Variants in RGS6 observed in about 807,000 individuals in gnomAD.
RGS6 encodes the protein regulator of G protein signaling 6.
Under a neutral mutation model 78.5 loss-of-function variants are expected in RGS6, and 30 were observed. The ratio of observed to expected loss-of-function variants is 0.38; its 90% confidence interval spans 0.29 to 0.52. The LOEUF (loss-of-function observed/expected upper bound fraction) is 0.52, where lower values mean the gene tolerates loss of function less well. RGS6 is among the 20% of genes least tolerant of loss of function. RGS6 has a pLI of 0.85. For synonymous variants in RGS6, 206 were observed against 206.0 expected (o/e 1.00, Z 0.00); for missense variants, 495 against 609.7 (o/e 0.81, Z 1.98).
chr14:71,899,273 G>A, the RGS6 span, among the ~76,000 whole-genome samples: 1 of 152,184 alleles, frequency 6.6e-6, no homozygotes, highest in Non-Finnish European at 1.5e-5. Context: ...GCCGCTTGCT[G>A]TGTAGCCTTT....
intron 3 of RGS6, among the ~76,000 whole-genome samples, chr14:72,397,226 T>A (rs374016351): frequency 6.6e-6 from 1 of 152,206 alleles, no homozygotes; most frequent in African/African-American, 2.4e-5. Flanking sequence ...TTATTTCATT[T>A]AGTAGTGGTT....
At chr14:72,029,279 G>A (rs2090445309) in intron 2 of RGS6, among the ~76,000 whole-genome samples, 1 of 152,204 alleles carries the variant, frequency 6.6e-6, no homozygotes, top group Non-Finnish European at 1.5e-5. Flanking sequence ...GACAGAACTT[G>A]TACAACAGTG....
At chr14:71,886,224 A>T in the RGS6 span, among the ~76,000 whole-genome samples, 1 of 152,208 alleles carries the variant, frequency 6.6e-6, no homozygotes, top group Non-Finnish European at 1.5e-5. Context: ...GGAACACTCC[A>T]GGTAAAGTAG....
At chr14:72,469,186 G>A (rs1043231771) in intron 7 of RGS6, among the ~76,000 whole-genome samples, 2 of 149,370 alleles carry the variant, frequency 1.3e-5, no homozygotes, top group African/African-American at 2.5e-5. Flanking sequence ...CATCACAAAC[G>A]TAGACACTCC....
the RGS6 span, among the ~76,000 whole-genome samples, chr14:71,889,082 GAC>G: frequency 6.6e-6 from 1 of 152,034 alleles, no homozygotes; most frequent in Non-Finnish European, 1.5e-5. Flanking sequence ...AATGAATAAT[GAC>G]ACAGTGTGAG....
chr14:72,413,971 A>T (rs2093618161), intron 3 of RGS6, among the ~76,000 whole-genome samples: 1 of 152,154 alleles, frequency 6.6e-6, no homozygotes, highest in Non-Finnish European at 1.5e-5. Flanking sequence ...TTTGTGGGTA[A>T]CCCGACCTTT....
rs185605298 is a variant in RGS6, at chr14:71,992,579, T to C, written c.84+27704T>C. 1.8e-3 allele frequency among the ~76,000 whole-genome samples: 275 copies of C among 152,358 alleles called. 2 individuals are homozygous for C. Among genetic ancestry groups the C allele is most frequent in the Middle Eastern group, 6.8e-3 (2 of 294 alleles). On this transcript the variant is annotated intron_variant, in intron 2 of 17. Coordinates refer to ENST00000553525, the MANE Select transcript of RGS6 (RefSeq NM_001204424.2). ...GGTGGGTAATTTGCCTAAGGTTAGA[T>C]GGTTAGTAAATAGAAAACTCAAAAT...
chr14:71,926,585 G>GAAAAAA, the RGS6 span, among the ~76,000 whole-genome samples: 4 of 51,258 alleles, frequency 7.8e-5, no homozygotes, highest in African/African-American at 2.3e-4. Flanking sequence ...CTCTGTCTCA[G>GAAAAAA]AAAAAAAAAA....
intron 17 of RGS6, chr14:72,541,765 C>G: frequency 2.5e-6 from 2 of 784,572 alleles, no homozygotes; most frequent in Non-Finnish European, 4.0e-6. Context: ...TGAGGGTGAC[C>G]GTGCAGGCCA....
At chr14:72,477,011 GC>G in intron 11 of RGS6, 171 bp downstream of exon 11, 1 of 592,228 alleles carries the variant, frequency 1.7e-6, no homozygotes, top group East Asian at 3.0e-5. Flanking sequence ...AGCCACGGAA[GC>G]TTGAGAGAAA....
Position 72,562,411 on chromosome 14 carries a change from C to T in RGS6, c.1423-6C>T. 1 of 1,612,576 alleles carries T rather than the reference C, an allele frequency of 6.2e-7. No homozygotes were observed. Among genetic ancestry groups the T allele is most frequent in the Non-Finnish European group, 8.5e-7 (1 of 1,180,004 alleles). On this transcript the variant is annotated splice_region_variant and splice_polypyrimidine_tract_variant and intron_variant, in intron 17 of 17. Transcript: ENST00000553525. Reference sequence around the variant, plus strand: ...TGCGTGCCTCTCTGTCGCTGTCTCTCTGCAGGGAAAGTCGCTGGCGGGCAA... The same window carrying T: ...TGCGTGCCTCTCTGTCGCTGTCTCTTTGCAGGGAAAGTCGCTGGCGGGCAA...
chr14:71,905,117 G>C, the RGS6 span, among the ~76,000 whole-genome samples: 3 of 152,190 alleles, frequency 2.0e-5, no homozygotes, highest in Non-Finnish European at 4.4e-5. Context: ...GCTTTCTGCT[G>C]TTCCTCAAGA....
chr14:72,526,001 C>T (rs1018191819), intron 15 of RGS6, among the ~76,000 whole-genome samples: 13 of 152,132 alleles, frequency 8.5e-5, no homozygotes, highest in Admixed American at 6.5e-5. Flanking sequence ...TGAGAGAAGA[C>T]GTCAAAGAGT....
intron 2 of RGS6, among the ~76,000 whole-genome samples, chr14:72,225,159 G>A (rs925413210): frequency 1.3e-5 from 2 of 152,014 alleles, no homozygotes; most frequent in African/African-American, 4.8e-5. Context: ...CTCCTGGGTC[G>A]GGCTTAGCCT....
intron 2 of RGS6, among the ~76,000 whole-genome samples, chr14:72,237,248 C>A (rs1243358311): frequency 6.6e-6 from 1 of 152,114 alleles, no homozygotes; most frequent in Non-Finnish European, 1.5e-5. Context: ...AATCTATTTA[C>A]TTATCGATGG....
intron 3 of RGS6, among the ~76,000 whole-genome samples, chr14:72,435,610 G>A (rs1393512900): frequency 2.6e-5 from 4 of 152,076 alleles, no homozygotes; most frequent in African/African-American, 7.2e-5. Context: ...GGCAACAGAG[G>A]TGTATTCCTC....
chr14:72,354,649 A>G (rs2079875638), intron 3 of RGS6, among the ~76,000 whole-genome samples: 1 of 151,886 alleles, frequency 6.6e-6, no homozygotes, highest in Admixed American at 6.6e-5. Context: ...AGTAAGCTAA[A>G]TAGCTCTCTG....
At chr14:72,541,239 G>A in intron 17 of RGS6, 1 of 1,442,870 alleles carries the variant, frequency 6.9e-7, no homozygotes, top group South Asian at 1.2e-5. Flanking sequence ...TGTGTGACTG[G>A]TATACGTATT....
At chr14:72,101,906 C>T (rs2095536156) in intron 2 of RGS6, among the ~76,000 whole-genome samples, 1 of 152,160 alleles carries the variant, frequency 6.6e-6, no homozygotes, top group Admixed American at 6.5e-5. Context: ...CCTTTCCATC[C>T]TCTTCTCTAT....
Sources: gnomAD v4.1 joint callset for allele counts (sites outside exome capture counted in the v4.1 genomes callset) on GRCh38, gnomAD v4.1.1 for gene constraint, MANE v1.5 for transcripts, NCBI Gene and HGNC (gene_info 2026-07-23, HGNC 2026-07-21) for gene names.